UPRT: variants seen among roughly 807,000 people sequenced by gnomAD.
UPRT encodes the protein uracil phosphoribosyltransferase homolog.
A neutral mutation model predicts 22.6 loss-of-function variants in UPRT; 5 were observed. The observed-to-expected ratio is 0.22, with a 90% CI of 0.12 to 0.47. The LOEUF (loss-of-function observed/expected upper bound fraction) is 0.47. Ranked by LOEUF, UPRT falls within the 20% of genes least tolerant of loss-of-function variation. The pLI is 0.99. For missense variants in UPRT, 181 were observed against 239.9 expected, an observed-to-expected ratio of 0.75 and a Z score of 1.62; for synonymous variants, 77 against 87.7, an observed-to-expected ratio of 0.88 and a Z score of 0.68.
intron 4 of UPRT, among the ~76,000 whole-genome samples, chrX:75,252,128 G>T (rs1254986876): frequency 2.7e-5 from 3 of 111,805 alleles, no homozygotes; most frequent in Admixed American, 9.5e-5. Flanking sequence ...AACCTAGGCA[G>T]TACCATTCAG....
rs1180602194 is a variant in UPRT, at chrX:75,252,572, A to G, written c.-446-38452A>G. 1.1e-4 allele frequency among the ~76,000 whole-genome samples: 12 copies of G among 112,118 alleles called. No homozygotes were observed. In the South Asian group the frequency reaches 1.5e-3, roughly 14 times the overall value. ...TGCTGGAGAGGATGTGGAGAAATAG[A>G]AACACTTTTACACTGTTGGTGGGAC... On this transcript the variant is annotated intron_variant, in intron 4 of 13. Coordinates refer to the UPRT transcript ENST00000652605.
At chrX:75,298,266 A>G (rs746961026) in intron 4 of UPRT, among the ~76,000 whole-genome samples, 2 of 109,967 alleles carry the variant, frequency 1.8e-5, no homozygotes, top group African/African-American at 3.3e-5. Context: ...TGCTGGGATT[A>G]TGGGCATGAG....
At chrX:75,252,924 C>T (rs1210708579) in intron 4 of UPRT, among the ~76,000 whole-genome samples, 2 of 111,527 alleles carry the variant, frequency 1.8e-5, no homozygotes, top group African/African-American at 6.5e-5. Flanking sequence ...CCATCATTCT[C>T]AGCAAACTAT....
intron 4 of UPRT, among the ~76,000 whole-genome samples, chrX:75,237,975 G>A (rs2082474931): frequency 9.0e-6 from 1 of 110,999 alleles, no homozygotes; most frequent in Non-Finnish European, 1.9e-5. Context: ...ATGTTAAAAA[G>A]AATCCTAGAT....
chrX:75,219,908 G>A (rs926985279), intron 4 of UPRT, among the ~76,000 whole-genome samples: 1 of 111,616 alleles, frequency 9.0e-6, no homozygotes. Context: ...GAAGTGTTCT[G>A]TAAATATTGA....
chrX:75,250,310 C>G (rs1240347449), intron 4 of UPRT, among the ~76,000 whole-genome samples: 8 of 109,627 alleles, frequency 7.3e-5, no homozygotes, highest in Non-Finnish European at 1.5e-4. Flanking sequence ...TGATAGACCA[C>G]TAGCAAGACT....
chrX:75,240,311 C>T (rs188796488), intron 4 of UPRT, among the ~76,000 whole-genome samples: 1 of 111,080 alleles, frequency 9.0e-6, no homozygotes, highest in African/African-American at 3.3e-5. Context: ...AGTGCCCAAG[C>T]AGAGAATCAA....
intron 4 of UPRT, among the ~76,000 whole-genome samples, chrX:75,264,256 G>T (rs935529977): frequency 9.0e-6 from 1 of 111,580 alleles, no homozygotes; most frequent in Non-Finnish European, 1.9e-5. Flanking sequence ...GTGCAGAGCT[G>T]AGTTCAATTC....
intron 4 of UPRT, among the ~76,000 whole-genome samples, chrX:75,193,799 A>G (rs1197409124): frequency 2.7e-5 from 3 of 111,395 alleles, no homozygotes; most frequent in Non-Finnish European, 5.6e-5. Flanking sequence ...TTTCAACTCT[A>G]TCATATCTGT....
chrX:75,164,462 G>A lies in UPRT; in HGVS notation c.-521+1237G>A, dbSNP rs185552424. Among the ~76,000 whole-genome samples, 141 of 111,601 alleles carry A rather than the reference G, an allele frequency of 1.3e-3. 1 individual carries two copies. Among genetic ancestry groups the A allele is most frequent in the African/African-American group, 4.2e-3 (128 of 30,770 alleles). On this transcript the variant is annotated intron_variant, in intron 3 of 13. Transcript: ENST00000652605. ...TTATCGAGCCATACAAAGGAATTAG[G>A]TGTTGATACATGCTACAACATGGAT...
chrX:75,194,049 A>C (rs2082325077), intron 4 of UPRT, among the ~76,000 whole-genome samples: 1 of 112,219 alleles, frequency 8.9e-6, no homozygotes, highest in African/African-American at 3.2e-5. Flanking sequence ...TTGAGTTGCC[A>C]GAGTTCTTGT....
At chrX:75,264,385 T>G in intron 4 of UPRT, among the ~76,000 whole-genome samples, 1 of 111,753 alleles carries the variant, frequency 8.9e-6, no homozygotes, top group Middle Eastern at 4.6e-3. Flanking sequence ...TCTAAGGACT[T>G]GCTCTATGAA....
intron 4 of UPRT, among the ~76,000 whole-genome samples, chrX:75,233,318 C>A (rs961532043): frequency 9.0e-6 from 1 of 111,045 alleles, no homozygotes; most frequent in African/African-American, 3.3e-5. Flanking sequence ...GATTGGTGTA[C>A]CTGAAAGTGA....
At chrX:75,265,667 T>G (rs1190536084) in intron 4 of UPRT, among the ~76,000 whole-genome samples, 2 of 112,170 alleles carry the variant, frequency 1.8e-5, no homozygotes, top group Non-Finnish European at 3.8e-5. Flanking sequence ...TCTGAAGCCT[T>G]CTTCTCTAAA....
rs576687379 is a variant in UPRT, at chrX:75,175,006, C to T, written c.-447+7127C>T. Among the ~76,000 whole-genome samples, 8 of 110,524 alleles carry T rather than the reference C, an allele frequency of 7.2e-5. No homozygotes were observed. The South Asian group carries it at 2.3e-3, about 32-fold the overall frequency. On this transcript the variant is annotated intron_variant, in intron 4 of 13. Transcript: ENST00000652605. The stretch of plus-strand genomic sequence containing the variant: ...TCTCCTTGTCTCTGTTTCTTTCTCT[C>T]TCTCGTTCTCTGATGTTTTTCTCTC...
intron 4 of UPRT, among the ~76,000 whole-genome samples, chrX:75,178,208 C>G (rs1326242507): frequency 8.9e-6 from 1 of 112,354 alleles, no homozygotes; most frequent in Non-Finnish European, 1.9e-5. Flanking sequence ...TCCCAGAAAG[C>G]CTGACACCCG....
chrX:75,247,425 G>A (rs1238179990), intron 4 of UPRT, among the ~76,000 whole-genome samples: 1 of 112,160 alleles, frequency 8.9e-6, no homozygotes, highest in East Asian at 2.8e-4. Context: ...GGCACACCAA[G>A]ACACTATATC....
chrX:75,234,773 A>G (rs1444718529), intron 4 of UPRT, among the ~76,000 whole-genome samples: 1 of 111,221 alleles, frequency 9.0e-6, no homozygotes, highest in African/African-American at 3.3e-5. Flanking sequence ...AATCTCTGGG[A>G]CACATTCAAA....
At chrX:75,169,352 C>T (rs1486272183) in intron 4 of UPRT, among the ~76,000 whole-genome samples, 1 of 112,134 alleles carries the variant, frequency 8.9e-6, no homozygotes, top group Admixed American at 9.5e-5. Context: ...AAGGAATCTC[C>T]ACACTGTTTT....
Sources: gnomAD v4.1 joint callset for allele counts (sites outside exome capture counted in the v4.1 genomes callset) on GRCh38, gnomAD v4.1.1 for gene constraint, MANE v1.5 for transcripts, NCBI Gene and HGNC (gene_info 2026-07-23, HGNC 2026-07-21) for gene names.